Variants in UBE2E2 observed in about 807,000 individuals in gnomAD.
UBE2E2 encodes ubiquitin conjugating enzyme E2 E2.
Under a neutral mutation model 24.7 loss-of-function variants are expected in UBE2E2, and 6 were observed. The ratio of observed to expected loss-of-function variants is 0.24; its 90% CI spans 0.13 to 0.48. UBE2E2 has a LOEUF of 0.48. UBE2E2 is among the 20% of genes least tolerant of loss of function. UBE2E2 has a pLI of 0.99. For missense variants in UBE2E2, 169 were observed against 245.0 expected (o/e 0.69, Z 2.07); for synonymous variants, 104 against 83.6 (o/e 1.24, Z -1.33).
intron 5 of UBE2E2, among the ~76,000 whole-genome samples, chr3:23,581,591 T>G (rs552090957): frequency 6.6e-6 from 1 of 152,366 alleles, no homozygotes; most frequent in South Asian, 2.1e-4. Context: ...TTGAGGAAAC[T>G]GAGGCACAGT....
intron 3 of UBE2E2, among the ~76,000 whole-genome samples, chr3:23,359,575 G>T (rs1332635288): frequency 1.3e-5 from 2 of 151,908 alleles, no homozygotes; most frequent in Non-Finnish European, 2.9e-5. Flanking sequence ...AATGATCTTT[G>T]ATCTATTAAA....
At chr3:23,574,692 C>T (rs1048684727) in intron 5 of UBE2E2, among the ~76,000 whole-genome samples, 9 of 152,138 alleles carry the variant, frequency 5.9e-5, no homozygotes, top group Admixed American at 4.6e-4. Context: ...TTAGGCACTG[C>T]ACTTCATCCT....
At chr3:23,383,800 T>G (rs1437027939) in intron 3 of UBE2E2, among the ~76,000 whole-genome samples, 2 of 152,180 alleles carry the variant, frequency 1.3e-5, no homozygotes, top group East Asian at 1.9e-4. Flanking sequence ...ACTTTTAAAC[T>G]AAGTTATTCT....
intron 3 of UBE2E2, among the ~76,000 whole-genome samples, chr3:23,269,484 G>C (rs1215398201): frequency 2.0e-5 from 3 of 152,192 alleles, no homozygotes; most frequent in Non-Finnish European, 2.9e-5. Flanking sequence ...AGACTGGACT[G>C]TGTTAGCTGG....
At chr3:23,502,836 A>G (rs913463691) in intron 4 of UBE2E2, among the ~76,000 whole-genome samples, 13 of 152,224 alleles carry the variant, frequency 8.5e-5, no homozygotes, top group African/African-American at 3.1e-4. Flanking sequence ...TACTTAACCT[A>G]TAGCACAATT....
rs145272132 is a variant in UBE2E2 at position 23,280,948 on chromosome 3, G to T, written c.227+63636G>T. On this transcript the variant is annotated intron_variant, in intron 3 of 5. Coordinates refer to ENST00000396703, the MANE Select transcript of UBE2E2 (RefSeq NM_152653.4). The surrounding 1 kb of genome is among the most constrained non-coding windows in gnomAD (Gnocchi z 4.3). ...CCAAGATCAAAGTGCTGGCAGACCT[G>T]GTGTCTGGTGAGAGCACTGTTCCTA... is the stretch of plus-strand genomic sequence containing the variant. Among the ~76,000 whole-genome samples the T allele has an allele frequency of 7.6e-3, 1,163 of 152,288 alleles. 16 individuals are homozygous for T. Among genetic ancestry groups the T allele is most frequent in the African/African-American group, 0.026 (1,087 of 41,546 alleles).
chr3:23,381,584 G>C (rs977619236), intron 3 of UBE2E2, among the ~76,000 whole-genome samples: 4 of 152,158 alleles, frequency 2.6e-5, no homozygotes, highest in African/African-American at 9.7e-5. Context: ...ACCCCGGCTA[G>C]CTGAAATTCA....
intron 5 of UBE2E2, among the ~76,000 whole-genome samples, chr3:23,582,098 C>T (rs1040557863): frequency 2.0e-5 from 3 of 152,270 alleles, no homozygotes; most frequent in Admixed American, 2.0e-4. Context: ...TTGTTTGCTT[C>T]TTTGTGTCCA....
chr3:23,480,871 A>G (rs1341755219), intron 3 of UBE2E2, among the ~76,000 whole-genome samples: 4 of 152,216 alleles, frequency 2.6e-5, no homozygotes, highest in African/African-American at 9.6e-5. Flanking sequence ...TAGTGTAAGA[A>G]ATATTAACCA....
chr3:23,376,627 G>A (rs2125345793), intron 3 of UBE2E2, among the ~76,000 whole-genome samples: 1 of 152,342 alleles, frequency 6.6e-6, no homozygotes, highest in East Asian at 1.9e-4. Flanking sequence ...CCAATACAGT[G>A]GAGATCTGTT....
intron 3 of UBE2E2, among the ~76,000 whole-genome samples, chr3:23,313,275 T>A (rs1694462710): frequency 6.6e-6 from 1 of 152,202 alleles, no homozygotes; most frequent in Non-Finnish European, 1.5e-5. Context: ...CTACTCCTGC[T>A]GTTTTTTGGT....
intron 3 of UBE2E2, among the ~76,000 whole-genome samples, chr3:23,291,524 A>G (rs969124747): frequency 6.6e-6 from 1 of 152,184 alleles, no homozygotes; most frequent in African/African-American, 2.4e-5. Context: ...ACCGTATACA[A>G]GCAACATACT....
chr3:23,334,272 AACTT>A (rs1695145841), intron 3 of UBE2E2, among the ~76,000 whole-genome samples: 2 of 152,060 alleles, frequency 1.3e-5, no homozygotes, highest in South Asian at 4.1e-4. Flanking sequence ...ATTCTAGTAA[AACTT>A]ACTAGTACTT....
chr3:23,242,574 A>G (rs1695298243), intron 3 of UBE2E2, among the ~76,000 whole-genome samples: 1 of 152,152 alleles, frequency 6.6e-6, no homozygotes, highest in Non-Finnish European at 1.5e-5. Context: ...TAGGATTTAG[A>G]TGATGGTCAT....
At chr3:23,466,607 G>A (rs1575648940) in intron 3 of UBE2E2, among the ~76,000 whole-genome samples, 6 of 151,820 alleles carry the variant, frequency 4.0e-5, no homozygotes, top group Admixed American at 6.6e-5. Context: ...TCACTCTATC[G>A]CCCAGGCTGG....
At chr3:23,267,950 A>G (rs1698097271) in intron 3 of UBE2E2, among the ~76,000 whole-genome samples, 1 of 151,962 alleles carries the variant, frequency 6.6e-6, no homozygotes, top group Non-Finnish European at 1.5e-5. Flanking sequence ...ACCAAAGACA[A>G]AAACCACATG....
intron 3 of UBE2E2, among the ~76,000 whole-genome samples, chr3:23,347,916 T>A (rs1030114938): frequency 2.0e-5 from 3 of 152,142 alleles, no homozygotes; most frequent in African/African-American, 7.2e-5. Context: ...TGGAACACTG[T>A]TTCTTATTAA....
chr3:23,252,319 G>A (rs1254432657), intron 3 of UBE2E2, among the ~76,000 whole-genome samples: 1 of 151,978 alleles, frequency 6.6e-6, no homozygotes, highest in African/African-American at 2.4e-5. Context: ...TTAGTTTTTT[G>A]CTGCATAGTT....
Position 23,206,736 on chromosome 3 carries a change from T to TA in UBE2E2, c.-8-1955dup, listed in dbSNP as rs751085085. On this transcript the variant is annotated intron_variant, in intron 1 of 5. Transcript: ENST00000396703. Reference sequence around the variant, plus strand: ...ATTTCAGTCCATTAAAGATCGGTGTTACAACATTGCTTTGGCTTAGAGCAA... The same window carrying TA: ...ATTTCAGTCCATTAAAGATCGGTGTTAACAACATTGCTTTGGCTTAGAGCAA... Among the ~76,000 whole-genome samples the TA allele has an allele frequency of 3.8e-4, 58 of 152,356 alleles. 1 individual carries two copies. Among genetic ancestry groups the TA allele is most frequent in the Middle Eastern group, 3.4e-3 (1 of 294 alleles).
Sources: allele counts gnomAD v4.1 joint callset (sites outside exome capture counted in the v4.1 genomes callset), GRCh38; gene constraint gnomAD v4.1.1; non-coding constraint Gnocchi (gnomAD v3.1); transcripts MANE v1.5; gene names NCBI Gene and HGNC (gene_info 2026-07-23, HGNC 2026-07-21).